The following CNIH3 variants were observed in gnomAD, a reference collection of about 807,000 sequenced individuals.
CNIH3 encodes the protein protein cornichon homolog 3.
In CNIH3, 14 loss-of-function variants were observed where a neutral mutation model predicts 24.1. The ratio of observed to expected loss-of-function variants is 0.58; its 90% confidence interval spans 0.38 to 0.91. The LOEUF (loss-of-function observed/expected upper bound fraction) is 0.91. CNIH3 is among the 40% of genes least tolerant of loss of function. CNIH3 has a pLI of 0.00. For synonymous variants in CNIH3, 68 were observed against 73.8 expected (o/e 0.92, Z 0.40); for missense variants, 178 against 196.8 (o/e 0.90, Z 0.57).
At chr1:224,576,128 A>G (rs898369374) in intron 4 of CNIH3, among the ~76,000 whole-genome samples, 2 of 152,192 alleles carry the variant, frequency 1.3e-5, no homozygotes, top group African/African-American at 4.8e-5. Flanking sequence ...TTAGGAATGA[A>G]TCAATTATGT....
intron 1 of CNIH3, among the ~76,000 whole-genome samples, chr1:224,501,505 C>CTATA (rs201461305): frequency 1.5e-4 from 21 of 142,304 alleles, no homozygotes; most frequent in Non-Finnish European, 2.0e-4. Context: ...AGGCTTGAAC[C>CTATA]TATATATATA....
At chr1:224,502,131 G>GCAGATACGGCTCC (rs1350647720) in intron 1 of CNIH3, among the ~76,000 whole-genome samples, 1 of 152,138 alleles carries the variant, frequency 6.6e-6, no homozygotes. Flanking sequence ...CAGGAGTGCT[G>GCAGATACGGCTCC]CAGATACGGC....
Position 224,684,388 on chromosome 1 carries a change from C to T in CNIH3, c.151-408C>T, listed in dbSNP as rs1686552375. Among the ~76,000 whole-genome samples, 1 of 152,196 alleles carries T rather than the reference C, an allele frequency of 6.6e-6. No individual in the cohort carries two copies. The highest frequency in any genetic ancestry group is 6.5e-5 in the Admixed American group (1 of 15,282). On this transcript the variant is annotated intron_variant, in intron 2 of 5. Coordinates refer to ENST00000272133, the MANE Select transcript of CNIH3 (RefSeq NM_152495.2). This position sits in a 1 kb window ranked among gnomAD's most constrained non-coding sequence, Gnocchi z 4.2. ...TACTAATGAGGGCACATACGCTCTT[C>T]GAGAACTAAGTGGGAAGGCCTCCTG...
chr1:224,481,176 G>A (rs1676797521), intron 1 of CNIH3, among the ~76,000 whole-genome samples: 1 of 152,206 alleles, frequency 6.6e-6, no homozygotes, highest in African/African-American at 2.4e-5. Flanking sequence ...CAGATCTCAT[G>A]AGACTTACTC....
chr1:224,470,306 C>T (rs1676319726), intron 1 of CNIH3, among the ~76,000 whole-genome samples: 2 of 150,710 alleles, frequency 1.3e-5, no homozygotes, highest in South Asian at 4.2e-4. Context: ...GCATGAGCCA[C>T]TGTGCCTGGC....
At chr1:224,666,588 C>T (rs116507267) in intron 1 of CNIH3, among the ~76,000 whole-genome samples, 1,916 of 152,216 alleles carry the variant, frequency 0.013, 43 homozygotes, top group African/African-American at 0.044. Context: ...TACAAAGGGC[C>T]ATGGCTCAGC....
chr1:224,584,985 A>G (rs541062180), intron 5 of CNIH3, among the ~76,000 whole-genome samples: 4 of 152,342 alleles, frequency 2.6e-5, no homozygotes, highest in African/African-American at 9.6e-5. Flanking sequence ...TTAGAGACCA[A>G]TAAAGCATGA....
intron 1 of CNIH3, among the ~76,000 whole-genome samples, chr1:224,624,114 A>G (rs906273968): frequency 1.3e-5 from 2 of 152,158 alleles, no homozygotes; most frequent in Non-Finnish European, 2.9e-5. Flanking sequence ...TTTTCCAAAG[A>G]CACTTGTTTC....
chr1:224,712,970 T>C (rs1310560383), intron 3 of CNIH3, among the ~76,000 whole-genome samples: 2 of 152,220 alleles, frequency 1.3e-5, no homozygotes, highest in African/African-American at 2.4e-5. Context: ...ATTTTCTGGC[T>C]GCCACACCAT....
chr1:224,462,235 G>A (rs1459668342), intron 1 of CNIH3, among the ~76,000 whole-genome samples: 1 of 152,144 alleles, frequency 6.6e-6, no homozygotes. Flanking sequence ...ATGTGGTGTC[G>A]TACATTCTAT....
intron 1 of CNIH3, among the ~76,000 whole-genome samples, chr1:224,502,071 T>A (rs1016900454): frequency 3.9e-5 from 6 of 152,094 alleles, no homozygotes; most frequent in Admixed American, 3.9e-4. Flanking sequence ...TTGTTCAGAA[T>A]GGTTTGCCCA....
At chr1:224,465,387 G>A (rs1468255201) in intron 1 of CNIH3, among the ~76,000 whole-genome samples, 1 of 152,220 alleles carries the variant, frequency 6.6e-6, no homozygotes, top group East Asian at 1.9e-4. Context: ...AGGATTACCG[G>A]TGTGACCCAC....
chr1:224,511,156 GTTTCTTCT>G (rs562445149), upstream of CNIH3, among the ~76,000 whole-genome samples: 52 of 152,328 alleles, frequency 3.4e-4, 1 homozygote, highest in East Asian at 6.9e-3. Flanking sequence ...GATGCTATAG[GTTTCTTCT>G]TTATCAGTGA....
chr1:224,436,763 G>A (rs1385701764), intron 1 of CNIH3: 2 of 152,146 alleles, frequency 1.3e-5, no homozygotes, highest in African/African-American at 2.4e-5. Context: ...ACACACTGAG[G>A]AACCTTCAGT....
intron 3 of CNIH3, among the ~76,000 whole-genome samples, chr1:224,598,621 A>G (rs952137858): frequency 6.6e-6 from 1 of 152,228 alleles, no homozygotes; most frequent in Non-Finnish European, 1.5e-5. Context: ...TAGGAAATTG[A>G]CACAGCCACC....
At chr1:224,598,527 A>G (rs935739138) in intron 3 of CNIH3, among the ~76,000 whole-genome samples, 7 of 152,252 alleles carry the variant, frequency 4.6e-5, no homozygotes, top group Admixed American at 3.9e-4. Flanking sequence ...GCAAAATGCT[A>G]TCAAACAGCA....
chr1:224,631,205 A>ATG (rs1443789150), intron 1 of CNIH3, among the ~76,000 whole-genome samples: 1 of 152,116 alleles, frequency 6.6e-6, no homozygotes, highest in Non-Finnish European at 1.5e-5. Flanking sequence ...CATGCTCAGG[A>ATG]CATGGGGATG....
chr1:224,618,144 G>A lies in CNIH3; in HGVS notation c.81+889G>A, dbSNP rs1191268041. Among the ~76,000 whole-genome samples the A allele has an allele frequency of 2.0e-5, 3 of 152,236 alleles. No individual in the cohort carries two copies. In the East Asian group the frequency reaches 5.8e-4, roughly 29 times the overall value. ...GTACTGAGAGAGCGCGCAGGAGTGC[G>A]TACGCCGGTCCTCTCAAAGACTGTG... On this transcript the variant is annotated intron_variant, in intron 1 of 5. Transcript: ENST00000272133.
Position 224,694,052 on chromosome 1 carries a change from C to T in CNIH3, c.198+9209C>T, listed in dbSNP as rs115435521. 7.6e-3 allele frequency among the ~76,000 whole-genome samples: 1,160 copies of T among 152,290 alleles called. 11 individuals carry two copies. Among genetic ancestry groups the T allele is most frequent in the African/African-American group, 0.024 (1,012 of 41,564 alleles). On this transcript the variant is annotated intron_variant, in intron 3 of 5. Coordinates refer to ENST00000272133, the MANE Select transcript of CNIH3 (RefSeq NM_152495.2). ...ATTCCTAAGCAATGCCAGGATGGCT[C>T]CCCAGGGTCTGGAGAACTGGATCTG...
Sources: gnomAD v4.1 joint callset for allele counts (sites outside exome capture counted in the v4.1 genomes callset) on GRCh38, gnomAD v4.1.1 for gene constraint, Gnocchi (gnomAD v3.1) non-coding constraint, MANE v1.5 for transcripts, NCBI Gene and HGNC (gene_info 2026-07-23, HGNC 2026-07-21) for gene names.